TUB: variants seen among roughly 807,000 people sequenced by gnomAD.
TUB encodes tubby protein homolog.
A neutral mutation model predicts 59.7 loss-of-function variants in TUB; 33 were observed. The ratio of observed to expected loss-of-function variants is 0.55; its 90% confidence interval spans 0.42 to 0.74. TUB has a LOEUF of 0.74. Ranked by LOEUF, TUB falls within the 30% of genes least tolerant of loss-of-function variation. TUB has a pLI of 0.00. For missense variants in TUB, 659 were observed against 672.0 expected, an observed-to-expected ratio of 0.98 and a Z score of 0.21; for synonymous variants, 293 against 256.4, an observed-to-expected ratio of 1.14 and a Z score of -1.36.
chr11:8,081,742 C>G (rs1243350297), intron 1 of TUB, among the ~76,000 whole-genome samples, 194 bp downstream of exon 1: 3 of 152,224 alleles, frequency 2.0e-5, no homozygotes. Flanking sequence ...CCCCGCTCCA[C>G]CCCCTTATCT....
At chr11:8,090,771 G>C (rs535605395) in intron 3 of TUB, among the ~76,000 whole-genome samples, 2 of 151,970 alleles carry the variant, frequency 1.3e-5, no homozygotes. Context: ...TCCAGGTCTC[G>C]GCAGAGCCCA....
intron 2 of TUB, among the ~76,000 whole-genome samples, chr11:8,064,723 A>G (rs1943204202): frequency 6.6e-6 from 1 of 152,142 alleles, no homozygotes; most frequent in Non-Finnish European, 1.5e-5. Flanking sequence ...AGTGATAGAA[A>G]CTAGGTGCCA....
At chr11:8,096,948 C>G (rs1944021699) in intron 6 of TUB, 142 bp downstream of exon 6, 1 of 1,009,868 alleles carries the variant, frequency 9.9e-7, no homozygotes, top group African/African-American at 1.6e-5. Context: ...TGCCTCCTAA[C>G]CTCTTCAGCT....
intron 2 of TUB, among the ~76,000 whole-genome samples, chr11:8,060,948 G>C (rs1943112499): frequency 6.6e-6 from 1 of 152,208 alleles, no homozygotes; most frequent in Non-Finnish European, 1.5e-5. Flanking sequence ...ATGTAGGCCT[G>C]GGCTCTGCCT....
chr11:8,066,436 G>A (rs1943243821), intron 2 of TUB, among the ~76,000 whole-genome samples: 1 of 152,180 alleles, frequency 6.6e-6, no homozygotes, highest in Non-Finnish European at 1.5e-5. Flanking sequence ...CAGCTCCACA[G>A]CCTGTGCCCT....
At chr11:8,032,478 T>C (rs933961883) in intron 1 of TUB, among the ~76,000 whole-genome samples, 31 of 152,354 alleles carry the variant, frequency 2.0e-4, no homozygotes, top group African/African-American at 7.5e-4. Context: ...TTTAAAAAAC[T>C]GTTTATTGGA....
chr11:8,101,454 T>C (rs917832004), intron 11 of TUB, 32 bp from the exon 12 acceptor site: 1 of 1,606,250 alleles, frequency 6.2e-7, no homozygotes, highest in Non-Finnish European at 8.5e-7. Flanking sequence ...TGTCCTGTCC[T>C]TTTCTCTGTC....
chr11:8,050,543 C>T (rs539492358), intron 2 of TUB, among the ~76,000 whole-genome samples: 1 of 152,276 alleles, frequency 6.6e-6, no homozygotes, highest in South Asian at 2.1e-4. Context: ...TGTGGTTTTA[C>T]TTTACATTTT....
rs539195276 is a variant in TUB at position 8,049,855 on chromosome 11, C to A, written c.203+10163C>A. On this transcript the variant is annotated intron_variant, in intron 2 of 12. Transcript: ENST00000305253. ...TTTTTAATTGAAGTATATATAGTAA[C>A]ATGGAAATACACAAATTATAAGTGG... is the stretch of plus-strand genomic sequence containing the variant. Among the ~76,000 whole-genome samples, 206 of 152,088 alleles carry A rather than the reference C, an allele frequency of 1.4e-3. 1 individual carries two copies. Among genetic ancestry groups the A allele is most frequent in the African/African-American group, 4.9e-3 (204 of 41,466 alleles).
rs575297259 is a variant in TUB, at chr11:8,061,271, A to G, written c.203+21579A>G. On this transcript the variant is annotated intron_variant, in intron 2 of 12. Coordinates refer to the TUB transcript ENST00000305253. Reference sequence around the variant, plus strand: ...GTGGGTAGTGTCCTGGCTTCCCTTCAGCCCCACAGAGCTTCCCTCAAACCT... The same window carrying G: ...GTGGGTAGTGTCCTGGCTTCCCTTCGGCCCCACAGAGCTTCCCTCAAACCT... Among the ~76,000 whole-genome samples the G allele has an allele frequency of 2.6e-5, 4 of 152,284 alleles. No individual in the cohort carries two copies. The South Asian group carries it at 8.3e-4, about 32-fold the overall frequency.
chr11:8,034,032 C>T (rs891825754), upstream of TUB, among the ~76,000 whole-genome samples: 2 of 152,248 alleles, frequency 1.3e-5, no homozygotes, highest in African/African-American at 4.8e-5. Flanking sequence ...TGGGAGCAAT[C>T]AGGGACCAGA....
chr11:8,090,260 G>A (rs376207354), intron 3 of TUB, 29 bp downstream of exon 3: 74 of 1,609,556 alleles, frequency 4.6e-5, no homozygotes, highest in East Asian at 3.3e-4. Context: ...CCCACATCCC[G>A]TCACTGCTTC....
At chr11:8,052,696 C>T (rs1942952002) in intron 2 of TUB, among the ~76,000 whole-genome samples, 2 of 152,078 alleles carry the variant, frequency 1.3e-5, no homozygotes. Context: ...AGGATGATCT[C>T]GATCTCCTGA....
In TUB at chr11:8,100,875, T is replaced by C. The variant is rs952900759; in HGVS notation, c.1265T>C (p.Ile422Thr). 1 of 1,614,064 alleles carries C rather than the reference T, an allele frequency of 6.2e-7. No homozygotes were observed. Residue 422 changes from isoleucine to threonine, a missense_variant, in exon 11 of 12, where the codon ATC (isoleucine) becomes ACC (threonine). Coordinates refer to ENST00000299506, the MANE Select transcript of TUB (RefSeq NM_177972.3). ...TGGCAGAATAAGAACACGGAGAGTA[T>C]CATCGAGCTGCAAAACAAGACACCT... ...ARWQNKNTES[I>T]IELQNKTPVW...
intron 4 of TUB, among the ~76,000 whole-genome samples, chr11:8,094,686 C>T (rs1041863867): frequency 4.6e-5 from 7 of 152,226 alleles, no homozygotes; most frequent in Non-Finnish European, 8.8e-5. Context: ...TCCCTCTGCT[C>T]CTCTTTCTCC....
intron 3 of TUB, among the ~76,000 whole-genome samples, chr11:8,092,589 C>T (rs1943814123): frequency 6.6e-6 from 1 of 152,104 alleles, no homozygotes; most frequent in African/African-American, 2.4e-5. Flanking sequence ...CAGGGAATTG[C>T]TATTCCCTGA....
chr11:8,083,172 C>T lies in TUB; in HGVS notation c.38+1624C>T, dbSNP rs550354614. Among the ~76,000 whole-genome samples the T allele has an allele frequency of 7.7e-4, 117 of 152,330 alleles. 1 individual carries two copies. The highest frequency in any genetic ancestry group is 2.7e-3 in the African/African-American group (112 of 41,552). On this transcript the variant is annotated intron_variant, in intron 1 of 11. Transcript: ENST00000299506. Reference sequence around the variant, plus strand: ...TGGAGCGTCATCAACCTTTTCTAGCCACGCGGCAGAGGTGCCTGGGCGGTG... The same window carrying T: ...TGGAGCGTCATCAACCTTTTCTAGCTACGCGGCAGAGGTGCCTGGGCGGTG...
chr11:8,070,664 G>T (rs1057232117), intron 2 of TUB, among the ~76,000 whole-genome samples: 1 of 152,102 alleles, frequency 6.6e-6, no homozygotes, highest in Admixed American at 6.5e-5. Flanking sequence ...GGCCCTCCTC[G>T]GTCCCCACTG....
chr11:8,044,889 A>G (rs944030856), intron 2 of TUB, among the ~76,000 whole-genome samples: 19 of 152,204 alleles, frequency 1.2e-4, no homozygotes, highest in Non-Finnish European at 2.5e-4. Flanking sequence ...GCCAAATGGA[A>G]GAGACACCTA....
Sources: gnomAD v4.1 joint callset for allele counts (sites outside exome capture counted in the v4.1 genomes callset) on GRCh38, gnomAD v4.1.1 for gene constraint, MANE v1.5 for transcripts, NCBI Gene and HGNC (gene_info 2026-07-23, HGNC 2026-07-21) for gene names.